Variants in CHAF1A observed in about 807,000 individuals in gnomAD.
CHAF1A encodes CAF-1 subunit A.
A neutral mutation model predicts 93.2 loss-of-function variants in CHAF1A; 5 were observed. The ratio of observed to expected loss-of-function variants is 0.05; its 90% confidence interval spans 0.03 to 0.11. The LOEUF (loss-of-function observed/expected upper bound fraction) is 0.11, where lower values mean the gene tolerates loss of function less well. Among genes scored for constraint, CHAF1A ranks in the 10% least tolerant of loss-of-function variants. The pLI is 1.00. For missense variants in CHAF1A, 1,102 were observed against 1,259.9 expected, an observed-to-expected ratio of 0.87 and a Z score of 1.90; for synonymous variants, 504 against 510.3, an observed-to-expected ratio of 0.99 and a Z score of 0.17.
rs566396154 is a variant in CHAF1A at position 4,422,949 on chromosome 19, C to T, written c.1247+154C>T. On this transcript the variant is annotated intron_variant, in intron 5 of 14. Transcript: ENST00000301280. This position sits in a 1 kb window ranked among gnomAD's most constrained non-coding sequence, Gnocchi z 4.6. ...TCGTGAGGTGCCCGTGGGGCCCTGACGTGGGAGCGGTGGAAAGCAGCTCCC... is the reference window on the plus strand; with the variant it reads ...TCGTGAGGTGCCCGTGGGGCCCTGATGTGGGAGCGGTGGAAAGCAGCTCCC... Among the ~76,000 whole-genome samples, 6 of 152,296 alleles carry T rather than the reference C, an allele frequency of 3.9e-5. No individual in the cohort carries two copies. Among genetic ancestry groups the T allele is most frequent in the Admixed American group, 2.0e-4 (3 of 15,302 alleles).
At chr19:4,405,124 G>T (rs569856204) in intron 1 of CHAF1A, among the ~76,000 whole-genome samples, 5 of 152,238 alleles carry the variant, frequency 3.3e-5, no homozygotes, top group African/African-American at 1.2e-4. Context: ...TCATGAAACA[G>T]TTCCGGTTAC....
intron 7 of CHAF1A, among the ~76,000 whole-genome samples, chr19:4,426,736 A>AG (rs1209286131): frequency 6.6e-6 from 1 of 152,044 alleles, no homozygotes; most frequent in Non-Finnish European, 1.5e-5. Context: ...GGCCTCCCAA[A>AG]GTGCTGGGAT....
chr19:4,411,943 C>T (rs1973813014), intron 3 of CHAF1A, among the ~76,000 whole-genome samples: 1 of 152,122 alleles, frequency 6.6e-6, no homozygotes, highest in Admixed American at 6.6e-5. Flanking sequence ...GCCACCGCCC[C>T]AGTCTTCTAC....
At position 4,412,719 on chromosome 19, in the gene CHAF1A, C is replaced by G. The variant is rs192130547; in HGVS notation, c.960+2960C>G. Among the ~76,000 whole-genome samples, 13 of 152,298 alleles carry G rather than the reference C, an allele frequency of 8.5e-5. No homozygotes were observed. In the East Asian group the frequency reaches 2.5e-3, roughly 29 times the overall value. On this transcript the variant is annotated intron_variant, in intron 3 of 14. Coordinates refer to ENST00000301280, the MANE Select transcript of CHAF1A (RefSeq NM_005483.3). ...CCCAGTGTGCAACATTTAGGAAACCCTGCATTTAGGACGCTAGATCTTGTT... is the reference window on the plus strand; with the variant it reads ...CCCAGTGTGCAACATTTAGGAAACCGTGCATTTAGGACGCTAGATCTTGTT...
chr19:4,417,385 TC>T (rs1353649522), intron 3 of CHAF1A, among the ~76,000 whole-genome samples: 1 of 151,588 alleles, frequency 6.6e-6, no homozygotes, highest in Non-Finnish European at 1.5e-5. Flanking sequence ...GAACTCCATC[TC>T]CTTTGGACAG....
At chr19:4,419,882 C>G (rs1350867888) in intron 4 of CHAF1A, among the ~76,000 whole-genome samples, 2 of 152,152 alleles carry the variant, frequency 1.3e-5, no homozygotes, top group Admixed American at 6.6e-5. Flanking sequence ...TTTCTAGAAG[C>G]CTTCTATTTC....
Position 4,443,248 on chromosome 19 carries a change from G to A in CHAF1A, c.*223G>A. 1 of 530,908 alleles carries A rather than the reference G, an allele frequency of 1.9e-6. No homozygotes were observed. The highest frequency in any genetic ancestry group is 2.0e-5 in the South Asian group (1 of 48,786). The allele number at this position is 530,908 out of a possible 1,614,324, so 32.9% of individuals were successfully genotyped here. A position where few individuals can be genotyped will look rare whatever the true frequency, so the allele number is the denominator to read the frequency against. Reference sequence around the variant, plus strand: ...CCTTTAATAAAGCATTATTGAGATTGCTGGCCTATTGGGGAAGCCTGCGGG... The same window carrying A: ...CCTTTAATAAAGCATTATTGAGATTACTGGCCTATTGGGGAAGCCTGCGGG... On this transcript the variant is annotated 3_prime_UTR_variant, in exon 15 of 15. Coordinates refer to ENST00000301280, the MANE Select transcript of CHAF1A (RefSeq NM_005483.3).
chr19:4,443,186 TTG>T lies in CHAF1A; in HGVS notation c.*163_*164del. On this transcript the variant is annotated 3_prime_UTR_variant, in exon 15 of 15. Transcript: ENST00000301280. ...GATGCTGGATTAGTTCCTTTGATAT[TTG>T]TAAAAATTCCCCCAAGAGCCGCATA... is the stretch of plus-strand genomic sequence containing the variant. 1.5e-6 allele frequency: 1 copy of T among 652,360 alleles called. No homozygotes were observed. The allele number at this position is 652,360 out of a possible 1,614,324, so 40.4% of individuals were successfully genotyped here.
At chr19:4,405,830 C>A in intron 1 of CHAF1A, 82 bp from the exon 2 acceptor site, 1 of 1,243,980 alleles carries the variant, frequency 8.0e-7, no homozygotes, top group Non-Finnish European at 1.2e-6. Context: ...CCACCTTGTA[C>A]ATAATTGGCT....
At chr19:4,429,335 T>C (rs1442975379) in intron 8 of CHAF1A, 103 bp from the exon 9 acceptor site, 41 of 1,332,348 alleles carry the variant, frequency 3.1e-5, no homozygotes, top group Non-Finnish European at 4.0e-5. Flanking sequence ...CAAATGCCCA[T>C]CTTTCTAGAA....
At chr19:4,408,262 A>T (rs1250472485) in intron 2 of CHAF1A, among the ~76,000 whole-genome samples, 6 of 144,748 alleles carry the variant, frequency 4.1e-5, no homozygotes, top group African/African-American at 1.6e-4. Flanking sequence ...GCGTGATCTC[A>T]GCTCACTGCA....
downstream of CHAF1A, chr19:4,443,437 TGA>T (rs992258826): frequency 5.5e-5 from 11 of 201,522 alleles, no homozygotes; most frequent in African/African-American, 2.4e-4. Context: ...TGTGTTTCTC[TGA>T]GAGTGCACCT....
chr19:4,446,343 G>T (rs1356832092), downstream of CHAF1A: 1 of 1,569,836 alleles, frequency 6.4e-7, no homozygotes, highest in Non-Finnish European at 8.6e-7. Context: ...TACTTGCGCA[G>T]CCCCCGCTGC....
At chr19:4,431,503 G>T (rs746996280) in intron 11 of CHAF1A, among the ~76,000 whole-genome samples, 2 of 152,048 alleles carry the variant, frequency 1.3e-5, no homozygotes, top group Non-Finnish European at 2.9e-5. Context: ...GTGGGGATTT[G>T]GTGGGACTGT....
intron 12 of CHAF1A, among the ~76,000 whole-genome samples, chr19:4,432,455 G>A (rs994594513): frequency 6.6e-6 from 1 of 152,096 alleles, no homozygotes; most frequent in Non-Finnish European, 1.5e-5. Flanking sequence ...AGTGGGGGCT[G>A]TGCTTTCTCA....
At chr19:4,402,917 G>C in intron 1 of CHAF1A, 103 bp downstream of exon 1, 2 of 699,414 alleles carry the variant, frequency 2.9e-6, no homozygotes, top group Non-Finnish European at 1.9e-6. Flanking sequence ...GCCAAGCCTG[G>C]TCCTGCGGGC....
At chr19:4,450,759 A>C in the CHAF1A span, 159 of 7,560 alleles carry the variant, frequency 0.021, no homozygotes, top group African/African-American at 0.079. Flanking sequence ...ACTCTGTCTC[A>C]AAAAAAAAAA....
At position 4,432,042 on chromosome 19, in the gene CHAF1A, G is replaced by A. The variant is rs757341375; in HGVS notation, c.2038G>A (p.Val680Ile). 1.5e-5 allele frequency: 24 copies of A among 1,614,026 alleles called. No individual in the cohort carries two copies. Among genetic ancestry groups the A allele is most frequent in the Non-Finnish European group, 1.7e-5 (20 of 1,180,046 alleles). The stretch of plus-strand genomic sequence containing the variant: ...CCTGGCTAAGGGGAAGCGCTTTCGC[G>A]TCCTGCAACCTGTGAAGATCGGCTG... ...EFLAKGKRFRVLQPVKIGCVW... is the reference protein window; with the variant it reads ...EFLAKGKRFRILQPVKIGCVW... Residue 680 changes from valine (V) to isoleucine (I), a missense_variant, in exon 12 of 15, where the codon GTC becomes ATC. Coordinates refer to ENST00000301280, the MANE Select transcript of CHAF1A (RefSeq NM_005483.3).
intron 13 of CHAF1A, among the ~76,000 whole-genome samples, chr19:4,438,533 A>G (rs1017957627): frequency 2.0e-4 from 31 of 152,162 alleles, no homozygotes; most frequent in African/African-American, 7.2e-4. Flanking sequence ...AGATATTCTT[A>G]AGGCATTCTG....
Sources: gnomAD v4.1 joint callset for allele counts (sites outside exome capture counted in the v4.1 genomes callset) on GRCh38, gnomAD v4.1.1 for gene constraint, Gnocchi (gnomAD v3.1) non-coding constraint, MANE v1.5 for transcripts, NCBI Gene and HGNC (gene_info 2026-07-23, HGNC 2026-07-21) for gene names.